EDAR: variants seen among roughly 807,000 people sequenced by gnomAD.
The protein encoded by EDAR is tumor necrosis factor receptor superfamily member EDAR.
EDAR carries 38 observed loss-of-function variants against 51.3 expected under a neutral mutation model. The ratio of observed to expected loss-of-function variants is 0.74; its 90% CI spans 0.57 to 0.97. The LOEUF (loss-of-function observed/expected upper bound fraction) is 0.97. EDAR is among the 50% of genes least tolerant of loss of function. The pLI is 0.00. For synonymous variants in EDAR, 227 were observed against 242.1 expected, an observed-to-expected ratio of 0.94 and a Z score of 0.58; for missense variants, 528 against 595.0, an observed-to-expected ratio of 0.89 and a Z score of 1.17.
At chr2:108,908,123 G>T in intron 9 of EDAR, 104 bp from the exon 10 acceptor site, 1 of 1,315,802 alleles carries the variant, frequency 7.6e-7, no homozygotes. Flanking sequence ...TGGACAGTGG[G>T]GGGCAATGAC....
At chr2:108,926,558 C>T (rs952147600) in intron 4 of EDAR, among the ~76,000 whole-genome samples, 6 of 152,228 alleles carry the variant, frequency 3.9e-5, no homozygotes, top group African/African-American at 7.2e-5. Context: ...CCCCTGCCCC[C>T]GCCATCCAGA....
intron 1 of EDAR, among the ~76,000 whole-genome samples, chr2:108,957,608 G>T (rs924674131): frequency 2.6e-5 from 4 of 152,062 alleles, no homozygotes; most frequent in African/African-American, 9.7e-5. Flanking sequence ...CTGGATAAAC[G>T]TGGGTTAAGA....
intron 11 of EDAR, among the ~76,000 whole-genome samples, chr2:108,901,832 G>A (rs113476345): frequency 0.041 from 6,252 of 152,276 alleles, 433 homozygotes; most frequent in African/African-American, 0.14. Context: ...AGCCAAACGC[G>A]GTGGCTCACG....
chr2:108,930,168 C>A lies in EDAR; in HGVS notation c.126G>T (p.Gly42=). 2 of 1,614,008 alleles carry A rather than the reference C, an allele frequency of 1.2e-6. No individual in the cohort carries two copies. The highest frequency in any genetic ancestry group is 1.7e-6 in the Non-Finnish European group (2 of 1,179,978). The change falls in exon 3 of 12, where the codon GGG becomes GGT. Residue 42 remains glycine, a synonymous_variant. Coordinates refer to ENST00000258443, the MANE Select transcript of EDAR (RefSeq NM_022336.4). ...CACACGGGGGGCACTCCTGGCACAG[C>A]CCCGTAGTCTGGTTGTAGTACTCGT... ...GENEYYNQTT[G]LCQECPPCGP... is the part of the protein sequence containing the mutation.
intron 1 of EDAR, among the ~76,000 whole-genome samples, chr2:108,947,919 T>G (rs185929921): frequency 6.6e-6 from 1 of 152,348 alleles, no homozygotes; most frequent in Non-Finnish European, 1.5e-5. Flanking sequence ...TGGGTTTTTC[T>G]TTTCTACCAT....
chr2:108,896,827 T>G lies in EDAR; in HGVS notation c.*80A>C, dbSNP rs951344216. The G allele has an allele frequency of 2.1e-6, 3 of 1,404,244 alleles. No homozygotes were observed. Among genetic ancestry groups the G allele is most frequent in the Non-Finnish European group, 2.0e-6 (2 of 1,020,722 alleles). 87.0% of individuals were successfully genotyped at this position (1,404,244 alleles called of 1,614,324 possible). On this transcript the variant is annotated 3_prime_UTR_variant, in exon 12 of 12. Coordinates refer to ENST00000258443, the MANE Select transcript of EDAR (RefSeq NM_022336.4). The stretch of plus-strand genomic sequence containing the variant: ...TCACAAAAGCCTTGATTCTTGGCAG[T>G]CTTTTGGCACCACTCACAGCTCCAG...
chr2:108,962,547 C>G (rs1435225158), intron 1 of EDAR, among the ~76,000 whole-genome samples: 1 of 151,704 alleles, frequency 6.6e-6, no homozygotes, highest in East Asian at 2.0e-4. Context: ...TGGTGGCGGG[C>G]GCCTGTAGTC....
At chr2:108,923,892 G>C (rs1169830647) in intron 4 of EDAR, among the ~76,000 whole-genome samples, 3 of 152,216 alleles carry the variant, frequency 2.0e-5, no homozygotes, top group African/African-American at 7.2e-5. Context: ...TGGGATTATA[G>C]GCATCAGTGT....
At chr2:108,918,029 C>T (rs1377450984) in intron 5 of EDAR, among the ~76,000 whole-genome samples, 8 of 152,088 alleles carry the variant, frequency 5.3e-5, no homozygotes, top group Middle Eastern at 3.4e-3. Flanking sequence ...ATATTATTAG[C>T]GCACCAGCAT....
At chr2:108,918,568 C>T (rs1697068742) in intron 5 of EDAR, among the ~76,000 whole-genome samples, 1 of 152,172 alleles carries the variant, frequency 6.6e-6, no homozygotes, top group Non-Finnish European at 1.5e-5. Flanking sequence ...CCTCACAAGG[C>T]CTATTTTAAA....
chr2:108,960,032 G>C (rs530271438), intron 1 of EDAR, among the ~76,000 whole-genome samples: 24 of 152,262 alleles, frequency 1.6e-4, no homozygotes, highest in African/African-American at 5.3e-4. Context: ...CGTGGCCACG[G>C]TGGCTCTGAG....
intron 4 of EDAR, among the ~76,000 whole-genome samples, chr2:108,927,769 A>G (rs989869713): frequency 9.2e-5 from 14 of 152,044 alleles, no homozygotes; most frequent in African/African-American, 3.1e-4. Flanking sequence ...TAGTCCCCTC[A>G]AATTCCACAC....
intron 5 of EDAR, among the ~76,000 whole-genome samples, chr2:108,915,106 G>A (rs550309710): frequency 2.9e-4 from 44 of 152,122 alleles, no homozygotes; most frequent in Middle Eastern, 3.2e-3. Context: ...AAAAATGCAC[G>A]TTGGCCAGGC....
Position 108,896,479 on chromosome 2 carries a change from T to C in EDAR, c.*428A>G, listed in dbSNP as rs1238982747. The C allele has an allele frequency of 6.2e-6, 1 of 161,096 alleles. No individual in the cohort carries two copies. The highest frequency in any genetic ancestry group is 1.4e-5 in the Non-Finnish European group (1 of 73,358). The allele number at this position is 161,096 out of a possible 1,614,324, so 10.0% of individuals were successfully genotyped here. A position where few individuals can be genotyped will look rare whatever the true frequency, so the allele number is the denominator to read the frequency against. ...CCCTTCATTCAGCTTGTTTGACGTC[T>C]TCCAGTGAAGTGGTTTGTAAACATA... On this transcript the variant is annotated 3_prime_UTR_variant, in exon 12 of 12. Transcript: ENST00000258443.
chr2:108,912,397 G>A (rs1387449724), intron 6 of EDAR, among the ~76,000 whole-genome samples: 1 of 152,140 alleles, frequency 6.6e-6, no homozygotes, highest in African/African-American at 2.4e-5. Context: ...CCTCCTGGCC[G>A]GGCTTGCAGC....
At chr2:108,926,312 CTGT>C (rs1352100612) in intron 4 of EDAR, among the ~76,000 whole-genome samples, 1 of 152,210 alleles carries the variant, frequency 6.6e-6, no homozygotes, top group Admixed American at 6.5e-5. Context: ...CCCCCAACCC[CTGT>C]TCTACATAGG....
intron 1 of EDAR, among the ~76,000 whole-genome samples, chr2:108,944,413 C>G (rs7560456): frequency 0.01 from 1,584 of 152,320 alleles, 31 homozygotes; most frequent in African/African-American, 0.036. Flanking sequence ...CGTGCCCGGC[C>G]CAGGAATGGT....
chr2:108,912,694 G>T lies in EDAR; in HGVS notation c.513C>A (p.Phe171Leu), dbSNP rs765147807. 2.5e-6 allele frequency: 4 copies of T among 1,597,974 alleles called. No homozygotes were observed. The highest frequency in any genetic ancestry group is 2.6e-6 in the Non-Finnish European group (3 of 1,172,558). Reference sequence around the variant, plus strand: ...CCTCCTCACCTTTGTGGGCGTGCTGGAAGGGAGACAGGGTGCTGCTGCCCG... The same window carrying T: ...CCTCCTCACCTTTGTGGGCGTGCTGTAAGGGAGACAGGGTGCTGCTGCCCG... ...GTSGSSTLSPFQHAHKELSGQ... is the reference protein window; with the variant it reads ...GTSGSSTLSPLQHAHKELSGQ... The change falls in exon 6 of 12, where the codon TTC (phenylalanine) becomes TTA (leucine). Residue 171 changes from phenylalanine (F) to leucine (L), a missense_variant. Physicochemically the swap from Phe to Leu is conservative, Grantham distance 22. Transcript: ENST00000258443.
chr2:108,952,937 T>C (rs1200428236), intron 1 of EDAR, among the ~76,000 whole-genome samples: 1 of 152,232 alleles, frequency 6.6e-6, no homozygotes, highest in African/African-American at 2.4e-5. Context: ...TGCTTTTAGT[T>C]CCAAGGCATT....
Sources: allele counts gnomAD v4.1 joint callset (sites outside exome capture counted in the v4.1 genomes callset), GRCh38; gene constraint gnomAD v4.1.1; transcripts MANE v1.5; gene names NCBI Gene and HGNC (gene_info 2026-07-23, HGNC 2026-07-21).